MYL10: variants seen among roughly 807,000 people sequenced by gnomAD.
The protein encoded by MYL10 is myosin light chain 10.
In MYL10, 18 loss-of-function variants were observed where a neutral mutation model predicts 21.9. The ratio of observed to expected loss-of-function variants is 0.82; its 90% CI spans 0.57 to 1.22. The LOEUF (loss-of-function observed/expected upper bound fraction) is 1.22. Ranked by LOEUF, MYL10 falls within the 50% of genes most tolerant of loss-of-function variation. The pLI is 0.00. For missense variants in MYL10, 225 were observed against 230.4 expected, an observed-to-expected ratio of 0.98 and a Z score of 0.15; for synonymous variants, 88 against 82.8, an observed-to-expected ratio of 1.06 and a Z score of -0.34.
At chr7:101,623,837 G>A (rs151069018) in intron 3 of MYL10, 83 bp downstream of exon 3, 2,623 of 224,046 alleles carry the variant, frequency 0.012, 62 homozygotes, top group African/African-American at 0.058. Flanking sequence ...AGACCAGCCT[G>A]GCCAACATGG....
chr7:101,625,998 A>T (rs1207267395), intron 1 of MYL10, among the ~76,000 whole-genome samples: 1 of 142,344 alleles, frequency 7.0e-6, no homozygotes, highest in Non-Finnish European at 1.5e-5. Flanking sequence ...CATTTTCTTT[A>T]CAGCACAAGA....
chr7:101,624,147 C>T (rs768744990), intron 2 of MYL10, 25 bp downstream of exon 2: 1 of 1,465,768 alleles, frequency 6.8e-7, no homozygotes, highest in Non-Finnish European at 9.5e-7. Context: ...ATCCTCATAA[C>T]AGCCCCATGG....
chr7:101,625,126 T>C (rs552335230), intron 1 of MYL10, among the ~76,000 whole-genome samples: 1 of 152,356 alleles, frequency 6.6e-6, no homozygotes, highest in South Asian at 2.1e-4. Flanking sequence ...TGGAAATAGC[T>C]GCCCAGAACT....
At chr7:101,619,381 C>T (rs1392260895) in intron 5 of MYL10, among the ~76,000 whole-genome samples, 2 of 152,206 alleles carry the variant, frequency 1.3e-5, no homozygotes, top group African/African-American at 2.4e-5. Flanking sequence ...TCCAGATGAG[C>T]CTGCCCTCCC....
chr7:101,628,440 A>G (rs1796771325), intron 1 of MYL10, among the ~76,000 whole-genome samples: 1 of 152,160 alleles, frequency 6.6e-6, no homozygotes, highest in South Asian at 2.1e-4. Context: ...TGGGCGACAG[A>G]GTGAGATATT....
rs762924671 is a variant in MYL10, at chr7:101,613,491, C to G, written c.665G>C (p.Gly222Ala). ...YRNLCYVITH[G>A]EEKD ...TGTGATCCCCTAATCCTTCTCTTCA[C>G]CGTGAGTGATGACGTAGCACAGGTT... The change falls in exon 8 of 8, where the codon GGT (glycine) becomes GCT (alanine). Residue 222 changes from glycine to alanine, a missense_variant. Coordinates refer to ENST00000223167, the MANE Select transcript of MYL10 (RefSeq NM_138403.5). 1 of 1,613,942 alleles carries G rather than the reference C, an allele frequency of 6.2e-7. No individual in the cohort carries two copies. The highest frequency in any genetic ancestry group is 8.5e-7 in the Non-Finnish European group (1 of 1,179,932).
At chr7:101,614,687 G>A (rs1200047445) in intron 6 of MYL10, among the ~76,000 whole-genome samples, 1 of 152,136 alleles carries the variant, frequency 6.6e-6, no homozygotes, top group African/African-American at 2.4e-5. Flanking sequence ...GGAGGACTGT[G>A]GACTGCAGCA....
intron 6 of MYL10, among the ~76,000 whole-genome samples, chr7:101,616,005 A>ACCATTTCTTAT (rs1395259454): frequency 2.0e-5 from 3 of 151,772 alleles, no homozygotes; most frequent in Non-Finnish European, 4.4e-5. Context: ...AGCCTGACCC[A>ACCATTTCTTAT]CCATTTCTTA....
chr7:101,623,006 C>T lies in MYL10; in HGVS notation c.340G>A (p.Ala114Thr), dbSNP rs1221241645. 6.2e-7 allele frequency: 1 copy of T among 1,614,040 alleles called. No individual in the cohort carries two copies. The change falls in exon 4 of 8, where the codon GCC becomes ACC. Residue 114 changes from alanine to threonine, a missense_variant. Ala to Thr is a moderately conservative substitution (Grantham distance 58, BLOSUM62 0). Transcript: ENST00000223167. ...IDKEDLRDTF[A>T]ALGRINVKNE... ...CTGCTGGCTCACCCACCCAGCGCGG[C>T]AAAGGTGTCCCTCAAGTCCTCTTTG... is the stretch of plus-strand genomic sequence containing the variant.
intron 5 of MYL10, among the ~76,000 whole-genome samples, chr7:101,619,746 C>T (rs1459781802): frequency 2.0e-5 from 3 of 151,982 alleles, no homozygotes; most frequent in East Asian, 1.9e-4. Flanking sequence ...AAAAATTAGA[C>T]GAGCGTGGTG....
chr7:101,620,819 GTC>G (rs1260470262), intron 5 of MYL10, among the ~76,000 whole-genome samples: 1 of 134,618 alleles, frequency 7.4e-6, no homozygotes, highest in Non-Finnish European at 1.6e-5. Flanking sequence ...AGTGGAGTCT[GTC>G]TCTGTCACCC....
chr7:101,619,845 A>T (rs1796655108), intron 5 of MYL10, among the ~76,000 whole-genome samples: 1 of 139,262 alleles, frequency 7.2e-6, no homozygotes, highest in East Asian at 2.3e-4. Flanking sequence ...AGCCAAGATC[A>T]CACCACTGCA....
At chr7:101,617,545 C>T (rs908283808) in intron 5 of MYL10, among the ~76,000 whole-genome samples, 3 of 152,250 alleles carry the variant, frequency 2.0e-5, no homozygotes, top group Admixed American at 2.0e-4. Flanking sequence ...CAGATTAGGT[C>T]AGCCAGGGCC....
At position 101,622,979 on chromosome 7, in the gene MYL10, G is replaced by A. The variant is rs774569052; in HGVS notation, c.349+18C>T. 8.7e-6 allele frequency: 14 copies of A among 1,612,486 alleles called. No individual in the cohort carries two copies. The highest frequency in any genetic ancestry group is 4.5e-5 in the East Asian group (2 of 44,860). ...GGCTGGCCTGGCCCTAATCTCCCCC[G>A]GCTGCTGGCTCACCCACCCAGCGCG... On this transcript the variant is annotated intron_variant, in intron 4 of 7. Coordinates refer to ENST00000223167, the MANE Select transcript of MYL10 (RefSeq NM_138403.5).
chr7:101,618,999 G>A (rs1463316433), intron 5 of MYL10, among the ~76,000 whole-genome samples: 1 of 152,156 alleles, frequency 6.6e-6, no homozygotes, highest in African/African-American at 2.4e-5. Context: ...TGCTCTGGCA[G>A]CAGGGCCCCT....
intron 1 of MYL10, among the ~76,000 whole-genome samples, chr7:101,626,123 A>G (rs1796742942): frequency 6.6e-6 from 1 of 152,220 alleles, no homozygotes; most frequent in Non-Finnish European, 1.5e-5. Context: ...AGGGGGGGTC[A>G]CCCGGATCTG....
At chr7:101,619,342 G>A (rs149566842) in intron 5 of MYL10, among the ~76,000 whole-genome samples, 14 of 152,180 alleles carry the variant, frequency 9.2e-5, no homozygotes, top group East Asian at 7.8e-4. Context: ...CTCCTGATTC[G>A]GCTACACAGC....
At position 101,623,968 on chromosome 7, in the gene MYL10, G is replaced by T; in HGVS notation, c.225C>A (p.Cys75Ter). The change falls in exon 3 of 8, where the codon TGC becomes TGA. Residue 75 changes from cysteine (C) to a stop codon, truncating the protein, a stop_gained. Transcript: ENST00000223167. LOFTEE classifies it high-confidence loss of function. ...TGCTTGAACCCGTGAGGCAGAGGTT[G>T]CAGTGAGCCGAGATCATGCCATTGC... The part of the protein sequence containing the change: ...LERNGMISAH[C>*]NLCLTGSSNS... 2.0e-6 allele frequency: 1 copy of T among 499,276 alleles called. No homozygotes were observed. The highest frequency in any genetic ancestry group is 3.6e-6 in the Non-Finnish European group (1 of 279,846). 30.9% of individuals were successfully genotyped at this position (499,276 alleles called of 1,614,324 possible). A position where few individuals can be genotyped will look rare whatever the true frequency, so the allele number is the denominator to read the frequency against.
chr7:101,615,863 T>G (rs1796603746), intron 6 of MYL10, among the ~76,000 whole-genome samples: 1 of 151,550 alleles, frequency 6.6e-6, no homozygotes, highest in Admixed American at 6.6e-5. Flanking sequence ...CCTGGCTAAT[T>G]TTTTTTATTA....
Sources: gnomAD v4.1 joint callset for allele counts (sites outside exome capture counted in the v4.1 genomes callset) on GRCh38, gnomAD v4.1.1 for gene constraint, MANE v1.5 for transcripts, NCBI Gene and HGNC (gene_info 2026-07-23, HGNC 2026-07-21) for gene names.